The following USP13 variants were observed in gnomAD, a reference collection of about 807,000 sequenced individuals.
The protein encoded by USP13 is ubiquitin carboxyl-terminal hydrolase 13.
A neutral mutation model predicts 107.8 loss-of-function variants in USP13; 68 were observed. The ratio of observed to expected loss-of-function variants is 0.63; its 90% CI spans 0.52 to 0.77. The LOEUF (loss-of-function observed/expected upper bound fraction) is 0.77, where lower values mean the gene tolerates loss of function less well. Ranked by LOEUF, USP13 falls within the 30% of genes least tolerant of loss-of-function variation. The probability of loss-of-function intolerance (pLI) is 0.00; values close to 1 mark genes in which losing one functional copy is unlikely to be tolerated. For missense variants in USP13, 945 were observed against 1,093.3 expected (o/e 0.86, Z 1.91); for synonymous variants, 377 against 389.5 (o/e 0.97, Z 0.38).
intron 1 of USP13, among the ~76,000 whole-genome samples, chr3:179,676,033 A>G (rs1720883599): frequency 6.6e-6 from 1 of 152,134 alleles, no homozygotes; most frequent in East Asian, 1.9e-4. Context: ...TGGGGTTGGT[A>G]ACCCCCATCC....
intron 3 of USP13, 88 bp downstream of exon 3, chr3:179,690,389 AG>A: frequency 8.1e-7 from 1 of 1,238,328 alleles, no homozygotes; most frequent in South Asian, 1.4e-5. Flanking sequence ...TTAGAGTAAT[AG>A]GTTGTTTATT....
chr3:179,677,614 A>G (rs926450572), intron 1 of USP13, among the ~76,000 whole-genome samples: 1 of 152,146 alleles, frequency 6.6e-6, no homozygotes, highest in Non-Finnish European at 1.5e-5. Context: ...ATAAATTTCC[A>G]TCAGATTCCC....
intron 10 of USP13, among the ~76,000 whole-genome samples, chr3:179,733,304 G>A (rs1369941518): frequency 3.3e-5 from 5 of 152,214 alleles, no homozygotes; most frequent in African/African-American, 1.2e-4. Context: ...AGACAAGTCG[G>A]TCTTTGGTCC....
rs144157335 is a variant in USP13, at chr3:179,776,629, A to G, written c.2414-5110A>G. 1.1e-3 allele frequency among the ~76,000 whole-genome samples: 169 copies of G among 152,324 alleles called. 2 individuals are homozygous for G. The highest frequency in any genetic ancestry group is 3.8e-3 in the African/African-American group (158 of 41,576). The stretch of plus-strand genomic sequence containing the variant: ...CTGCCCATTAGGAGGGACACTGTCC[A>G]CTAGATGTGAGACATAGTGGTTTTG... On this transcript the variant is annotated intron_variant, in intron 19 of 20. Transcript: ENST00000263966.
rs544419601 is a variant in USP13, at chr3:179,713,279, C to A, written c.805+4322C>A. Among the ~76,000 whole-genome samples, 20 of 152,032 alleles carry A rather than the reference C, an allele frequency of 1.3e-4. No homozygotes were observed. The South Asian group carries it at 4.1e-3, about 32-fold the overall frequency. ...TTTGAAAAAGATCAGGCTTTGATTC[C>A]TGCGAATATTGTGCAGAGTCAGTTT... On this transcript the variant is annotated intron_variant, in intron 6 of 20. Coordinates refer to ENST00000263966, the MANE Select transcript of USP13 (RefSeq NM_003940.3).
At chr3:179,715,367 CT>C (rs71182513) in intron 6 of USP13, among the ~76,000 whole-genome samples, 93 of 136,290 alleles carry the variant, frequency 6.8e-4, no homozygotes, top group African/African-American at 1.4e-3. Context: ...ATTTTTCTTT[CT>C]TTTTTTTTTT....
At chr3:179,762,908 T>A (rs1178373430) in intron 17 of USP13, among the ~76,000 whole-genome samples, 5 of 152,208 alleles carry the variant, frequency 3.3e-5, no homozygotes, top group Non-Finnish European at 7.3e-5. Flanking sequence ...CTTATTATTA[T>A]CTTTTTTATC....
chr3:179,759,737 G>A (rs189507520), intron 16 of USP13, among the ~76,000 whole-genome samples: 6 of 151,960 alleles, frequency 3.9e-5, no homozygotes, highest in Admixed American at 3.3e-4. Flanking sequence ...GCCGTGGCGC[G>A]ATCTCAGCCC....
intron 8 of USP13, among the ~76,000 whole-genome samples, chr3:179,728,979 A>AG (rs1713690931): frequency 3.4e-5 from 4 of 116,060 alleles, no homozygotes; most frequent in South Asian, 2.9e-4. Flanking sequence ...GGAGACGGAG[A>AG]GGAAGAGGGA....
chr3:179,736,955 A>G (rs1194618867), intron 10 of USP13, among the ~76,000 whole-genome samples: 1 of 152,232 alleles, frequency 6.6e-6, no homozygotes, highest in Non-Finnish European at 1.5e-5. Context: ...CAGGCAGTGA[A>G]TGCATGCTGA....
At chr3:179,753,778 G>A (rs1156357294) in intron 14 of USP13, among the ~76,000 whole-genome samples, 1 of 152,114 alleles carries the variant, frequency 6.6e-6, no homozygotes, top group Non-Finnish European at 1.5e-5. Flanking sequence ...CAGGTTGTTT[G>A]CTAGCCCAAA....
At chr3:179,779,480 A>C (rs2108555131) in intron 19 of USP13, among the ~76,000 whole-genome samples, 1 of 152,140 alleles carries the variant, frequency 6.6e-6, no homozygotes, top group South Asian at 2.1e-4. Context: ...CAGTGAGCCG[A>C]GATTGCGCCA....
rs1231791810 is a variant in USP13, at chr3:179,708,787, C to T, written c.635C>T (p.Ala212Val). Reference protein sequence around the residue: ...VRIPPSGWKCARCDLRENLWL... With the variant: ...VRIPPSGWKCVRCDLRENLWL... ...TGGCTTTCCAGTGGTTGGAAGTGTG[C>T]CAGATGCGACCTGCGAGAAAACCTC... Residue 212 changes from alanine (A) to valine (V), a missense_variant, in exon 6 of 21, where the codon GCC becomes GTC. Ala to Val is a moderately conservative substitution (Grantham distance 64, BLOSUM62 0). Coordinates refer to ENST00000263966, the MANE Select transcript of USP13 (RefSeq NM_003940.3). 1 of 1,614,118 alleles carries T rather than the reference C, an allele frequency of 6.2e-7. No homozygotes were observed. The highest frequency in any genetic ancestry group is 1.3e-5 in the African/African-American group (1 of 75,032).
intron 4 of USP13, among the ~76,000 whole-genome samples, chr3:179,701,883 C>T (rs1013475070): frequency 2.6e-5 from 4 of 152,166 alleles, no homozygotes; most frequent in Non-Finnish European, 5.9e-5. Flanking sequence ...TGTTTTCCTT[C>T]GATTCTCGCG....
Position 179,788,419 on chromosome 3 carries a change from A to G in USP13, c.*4278A>G, listed in dbSNP as rs922109354. 2 of 152,210 alleles carry G rather than the reference A, an allele frequency of 1.3e-5. No individual in the cohort carries two copies. Among genetic ancestry groups the G allele is most frequent in the Non-Finnish European group, 1.5e-5 (1 of 68,052 alleles). 9.4% of individuals were successfully genotyped at this position (152,210 alleles called of 1,614,324 possible). A position where few individuals can be genotyped will look rare whatever the true frequency, so the allele number is the denominator to read the frequency against. ...AGACTCGGTAGACCTGTGCTATTCA[A>G]TGTGGCAGTCAACAGCCATATGTGG... On this transcript the variant is annotated 3_prime_UTR_variant, in exon 21 of 21. Coordinates refer to ENST00000263966, the MANE Select transcript of USP13 (RefSeq NM_003940.3).
At chr3:179,711,792 T>G (rs1168229621) in intron 6 of USP13, among the ~76,000 whole-genome samples, 3 of 151,822 alleles carry the variant, frequency 2.0e-5, no homozygotes, top group Non-Finnish European at 4.4e-5. Context: ...ACAGTTAACT[T>G]TTTTTCGTAT....
chr3:179,707,739 A>C (rs1022961997), intron 5 of USP13, among the ~76,000 whole-genome samples: 1 of 152,094 alleles, frequency 6.6e-6, no homozygotes, highest in African/African-American at 2.4e-5. Context: ...TCCTCTTATT[A>C]GGTGCTGGTG....
intron 16 of USP13, among the ~76,000 whole-genome samples, chr3:179,758,882 A>G (rs184129496): frequency 1.1e-4 from 16 of 152,330 alleles, no homozygotes; most frequent in Admixed American, 1.0e-3. Context: ...CAGAAGAATC[A>G]TCCATGGTTC....
chr3:179,730,947 A>G (rs1713781923), intron 10 of USP13, among the ~76,000 whole-genome samples: 1 of 152,252 alleles, frequency 6.6e-6, no homozygotes, highest in Admixed American at 6.5e-5. Flanking sequence ...ATCATTAACC[A>G]TCTTTAGAAA....
Sources: gnomAD v4.1 joint callset for allele counts (sites outside exome capture counted in the v4.1 genomes callset) on GRCh38, gnomAD v4.1.1 for gene constraint, MANE v1.5 for transcripts, NCBI Gene and HGNC (gene_info 2026-07-23, HGNC 2026-07-21) for gene names.